EYA1: variants seen among roughly 807,000 people sequenced by gnomAD.
EYA1 encodes EYA transcriptional coactivator and phosphatase 1.
Under a neutral mutation model 82.0 loss-of-function variants are expected in EYA1, and 16 were observed. That is an observed-to-expected ratio of 0.20 (90% CI 0.13 to 0.30). The LOEUF is 0.30. Among genes scored for constraint, EYA1 ranks in the 10% least tolerant of loss-of-function variants. EYA1 has a pLI of 1.00. For missense variants in EYA1, 633 were observed against 730.7 expected (o/e 0.87, Z 1.54); for synonymous variants, 261 against 264.4 (o/e 0.99, Z 0.12).
intron 14 of EYA1, among the ~76,000 whole-genome samples, 162 bp downstream of exon 14, chr8:71,216,528 CAA>C (rs1809221547): frequency 6.6e-6 from 1 of 152,094 alleles, no homozygotes; most frequent in Non-Finnish European, 1.5e-5. Flanking sequence ...GGCTCCAGTG[CAA>C]TATTTCTGTC....
rs143798228 is a variant in EYA1 at position 71,211,157 on chromosome 8, T to G, written c.1697A>C (p.Lys566Thr). The G allele has an allele frequency of 2.5e-6, 4 of 1,599,820 alleles. No individual in the cohort carries two copies. Among genetic ancestry groups the G allele is most frequent in the Non-Finnish European group, 2.6e-6 (3 of 1,167,142 alleles). ...GATGCACCATCTAGGAATGCTCACC[T>G]TTTTTGCTCCTTGTTCTTCTTCTAC... ...DGVEEEQGAKKHAMPFWRISS... is the reference protein window; with the variant it reads ...DGVEEEQGAKTHAMPFWRISS... Residue 566 changes from lysine to threonine, a missense_variant and splice_region_variant, in exon 17 of 18, where the codon AAG becomes ACG. Physicochemically the swap from Lys to Thr is moderately conservative, Grantham distance 78 (BLOSUM62 -1). Transcript: ENST00000340726.
At chr8:71,300,995 C>T (rs973676820) in intron 7 of EYA1, among the ~76,000 whole-genome samples, 4 of 152,106 alleles carry the variant, frequency 2.6e-5, no homozygotes, top group African/African-American at 7.2e-5. Context: ...AAGTTTTCTA[C>T]TCGGAACCTA....
intron 17 of EYA1, among the ~76,000 whole-genome samples, chr8:71,209,270 G>GACTT (rs1399597942): frequency 1.3e-5 from 2 of 152,220 alleles, no homozygotes; most frequent in Non-Finnish European, 2.9e-5. Context: ...TGAGGATTCT[G>GACTT]ACTTAGGCTG....
intron 3 of EYA1, 139 bp from the exon 4 acceptor site, chr8:71,334,313 C>A (rs1338754530): frequency 1.3e-6 from 1 of 747,758 alleles, no homozygotes; most frequent in Non-Finnish European, 2.4e-6. Flanking sequence ...ATATCATAAG[C>A]ATAAATAGAC....
intron 17 of EYA1, among the ~76,000 whole-genome samples, chr8:71,207,211 T>TTAAG (rs1191036851): frequency 1.3e-5 from 2 of 152,228 alleles, no homozygotes; most frequent in African/African-American, 4.8e-5. Flanking sequence ...AGGTTAAATA[T>TTAAG]TAAGTATTCT....
intron 9 of EYA1, among the ~76,000 whole-genome samples, chr8:71,285,829 T>A (rs1234707294): frequency 6.6e-6 from 1 of 152,256 alleles, no homozygotes; most frequent in Non-Finnish European, 1.5e-5. Context: ...GCATGTCTGT[T>A]CTCTGGTTCT....
At chr8:71,441,701 A>G (rs1167813992) in intron 2 of EYA1, among the ~76,000 whole-genome samples, 1 of 152,196 alleles carries the variant, frequency 6.6e-6, no homozygotes, top group African/African-American at 2.4e-5. Flanking sequence ...CTGTTTTTAA[A>G]TATTTAATGA....
At chr8:71,395,519 C>A (rs983526040) in intron 2 of EYA1, among the ~76,000 whole-genome samples, 5 of 152,114 alleles carry the variant, frequency 3.3e-5, no homozygotes, top group Non-Finnish European at 1.5e-5. Flanking sequence ...TGAATTTTGT[C>A]AAAGGCCTTT....
At chr8:71,334,210 A>AAT in intron 3 of EYA1, 36 bp from the exon 4 acceptor site, 1 of 1,412,914 alleles carries the variant, frequency 7.1e-7, no homozygotes, top group Non-Finnish European at 1.0e-6. Context: ...ATATTGAATT[A>AAT]ATAGTTATTT....
At chr8:71,349,907 AT>A (rs1249751292) in intron 3 of EYA1, among the ~76,000 whole-genome samples, 3 of 152,258 alleles carry the variant, frequency 2.0e-5, no homozygotes, top group Non-Finnish European at 4.4e-5. Flanking sequence ...CAGCATTATT[AT>A]AATTTATTAG....
At chr8:71,356,359 G>T in intron 2 of EYA1, 103 bp downstream of exon 2, 3 of 950,786 alleles carry the variant, frequency 3.2e-6, no homozygotes, top group Non-Finnish European at 4.8e-6. Flanking sequence ...TCCAACAGAG[G>T]CTGTTACTAT....
chr8:71,455,603 T>A (rs915661390), intron 2 of EYA1, among the ~76,000 whole-genome samples: 1 of 152,100 alleles, frequency 6.6e-6, no homozygotes, highest in Admixed American at 6.6e-5. Flanking sequence ...GCTGGTTCAA[T>A]ACACAGAAAT....
rs1210832979 is a variant in EYA1 at position 71,197,614 on chromosome 8, C to T, written c.*1726G>A. The T allele has an allele frequency of 1.3e-5, 2 of 152,506 alleles. No homozygotes were observed. The highest frequency in any genetic ancestry group is 2.9e-5 in the Non-Finnish European group (2 of 68,006). The allele number at this position is 152,506 out of a possible 1,614,324, so 9.4% of individuals were successfully genotyped here. ...GTTAAAAATTGTCAACTGTTTGCTT[C>T]AAGCAAAAAGGAAGAAAAAACTAAT... On this transcript the variant is annotated 3_prime_UTR_variant, in exon 18 of 18. Transcript: ENST00000340726.
At chr8:71,234,789 T>C (rs1811634662) in intron 12 of EYA1, among the ~76,000 whole-genome samples, 1 of 152,108 alleles carries the variant, frequency 6.6e-6, no homozygotes, top group Non-Finnish European at 1.5e-5. Flanking sequence ...CAAATTTGCC[T>C]CTCTCTTCTG....
At chr8:71,260,586 G>C (rs1386165040) in intron 11 of EYA1, among the ~76,000 whole-genome samples, 2 of 152,146 alleles carry the variant, frequency 1.3e-5, no homozygotes, top group Non-Finnish European at 2.9e-5. Context: ...TCTTGAGACA[G>C]GAGTTATCAG....
chr8:71,215,292 A>T, intron 16 of EYA1, 95 bp downstream of exon 16: 1 of 1,174,146 alleles, frequency 8.5e-7, no homozygotes, highest in Non-Finnish European at 1.3e-6. Flanking sequence ...TGACCTATGT[A>T]GCATTCTGGA....
At chr8:71,301,875 C>T (rs917602470) in intron 7 of EYA1, among the ~76,000 whole-genome samples, 1 of 151,608 alleles carries the variant, frequency 6.6e-6, no homozygotes, top group Non-Finnish European at 1.5e-5. Context: ...TAAGACATAG[C>T]CTCAGACCTC....
At chr8:71,509,487 T>A (rs1469389165) in intron 2 of EYA1, among the ~76,000 whole-genome samples, 1 of 152,148 alleles carries the variant, frequency 6.6e-6, no homozygotes, top group Admixed American at 6.5e-5. Context: ...AAGTAAGCTA[T>A]CCCTAAAATA....
intron 12 of EYA1, among the ~76,000 whole-genome samples, chr8:71,222,857 G>A (rs1386397038): frequency 6.6e-6 from 1 of 152,124 alleles, no homozygotes; most frequent in Non-Finnish European, 1.5e-5. Context: ...CACTGGTCAC[G>A]ACCTAGGTTC....
Sources: gnomAD v4.1 joint callset for allele counts (sites outside exome capture counted in the v4.1 genomes callset) on GRCh38, gnomAD v4.1.1 for gene constraint, MANE v1.5 for transcripts, NCBI Gene and HGNC (gene_info 2026-07-23, HGNC 2026-07-21) for gene names.